CSE1L: variants seen among roughly 807,000 people sequenced by gnomAD.
CSE1L encodes chromosome segregation 1 like.
Under a neutral mutation model 120.4 loss-of-function variants are expected in CSE1L, and 24 were observed. That is an observed-to-expected ratio of 0.20 (90% CI 0.14 to 0.28). The LOEUF (loss-of-function observed/expected upper bound fraction) is 0.28, where lower values mean the gene tolerates loss of function less well. Ranked by LOEUF, CSE1L falls within the 10% of genes least tolerant of loss-of-function variation. The pLI, the probability that CSE1L is intolerant of heterozygous loss-of-function variation, is 1.00. For synonymous variants in CSE1L, 402 were observed against 398.3 expected, an observed-to-expected ratio of 1.01 and a Z score of -0.11; for missense variants, 830 against 1,145.2, an observed-to-expected ratio of 0.72 and a Z score of 3.97.
At chr20:49,078,525 A>G in intron 13 of CSE1L, 36 bp from the exon 14 acceptor site, 2 of 1,432,096 alleles carry the variant, frequency 1.4e-6, no homozygotes, top group Non-Finnish European at 1.9e-6. Context: ...GATCCTTACC[A>G]CTTAAGTAAC....
chr20:49,087,351 C>CTTTTTTTTTTTT (rs11483071), intron 16 of CSE1L, among the ~76,000 whole-genome samples: 13 of 116,296 alleles, frequency 1.1e-4, no homozygotes, highest in South Asian at 2.8e-4. Flanking sequence ...TTTTCTTTTT[C>CTTTTTTTTTTTT]TTTTTTTTTT....
At chr20:49,092,149 T>G (rs1284891592) in intron 22 of CSE1L, 22 bp downstream of exon 22, 2 of 1,389,482 alleles carry the variant, frequency 1.4e-6, no homozygotes, top group Non-Finnish European at 2.0e-6. Context: ...TTTATTATTT[T>G]TTAAAGGAAG....
At chr20:49,063,514 C>T (rs1366093324) in intron 3 of CSE1L, among the ~76,000 whole-genome samples, 170 bp downstream of exon 3, 2 of 152,156 alleles carry the variant, frequency 1.3e-5, no homozygotes, top group Non-Finnish European at 2.9e-5. Flanking sequence ...TATGATTGCA[C>T]CACTGTACTC....
intron 24 of CSE1L, 164 bp downstream of exon 24, chr20:49,095,127 T>G (rs2092130027): frequency 1.4e-6 from 1 of 694,322 alleles, no homozygotes; most frequent in Non-Finnish European, 2.6e-6. Flanking sequence ...CTGAGCCCTT[T>G]TTTTCTTGTA....
chr20:49,094,093 A>AT, intron 22 of CSE1L, 47 bp from the exon 23 acceptor site: 1 of 1,184,356 alleles, frequency 8.4e-7, no homozygotes, highest in Non-Finnish European at 1.2e-6. Context: ...TTACTATTTC[A>AT]TTATAGTGAT....
intron 1 of CSE1L, among the ~76,000 whole-genome samples, chr20:49,054,889 G>A (rs192067505): frequency 6.6e-6 from 1 of 152,228 alleles, no homozygotes; most frequent in African/African-American, 2.4e-5. Flanking sequence ...TGGCAGATGC[G>A]CCCTCATCCT....
At position 49,075,470 on chromosome 20, in the gene CSE1L, GC is replaced by G; in HGVS notation, c.1286del (p.Ala429GlufsTer5). ...ATCTGTCAACTGGAAACACAAAGAT[GC>G]AGCCATCTACCTAGTGACATCTTTG... ...NPSVNWKHKD[A>X]AIYLVTSLAS... On this transcript the variant is annotated frameshift_variant, in exon 12 of 25. Coordinates refer to ENST00000262982, the MANE Select transcript of CSE1L (RefSeq NM_001316.4). LOFTEE classifies it high-confidence loss of function. The G allele has an allele frequency of 6.2e-7, 1 of 1,614,104 alleles. No homozygotes were observed. The highest frequency in any genetic ancestry group is 8.5e-7 in the Non-Finnish European group (1 of 1,180,004).
chr20:49,076,855 G>A, intron 12 of CSE1L, 125 bp from the exon 13 acceptor site: 1 of 586,130 alleles, frequency 1.7e-6, no homozygotes, highest in Non-Finnish European at 2.9e-6. Flanking sequence ...TTATACATAA[G>A]CAATTTGTAT....
Position 49,063,254 on chromosome 20 carries a change from T to G in CSE1L, c.138T>G (p.Leu46=). ...GAAATCAGAATTATCCACTGTTGCT[T>G]TTGACATTACTGGAGAAGTCCCAGG... The part of the protein sequence containing the change: ...VEGNQNYPLL[L]LTLLEKSQDN... The change falls in exon 3 of 25, where the codon CTT becomes CTG. Residue 46 remains leucine (L), a synonymous_variant. Coordinates refer to ENST00000262982, the MANE Select transcript of CSE1L (RefSeq NM_001316.4). The G allele has an allele frequency of 6.3e-7, 1 of 1,597,956 alleles. No homozygotes were observed. The highest frequency in any genetic ancestry group is 8.5e-7 in the Non-Finnish European group (1 of 1,173,476).
In CSE1L at chr20:49,082,801, A is replaced by G. The variant is rs568644296; in HGVS notation, c.1483-1225A>G. Among the ~76,000 whole-genome samples the G allele has an allele frequency of 2.2e-4, 34 of 151,614 alleles. 1 individual carries two copies. Among genetic ancestry groups the G allele is most frequent in the Admixed American group, 1.5e-3 (23 of 15,238 alleles). On this transcript the variant is annotated intron_variant, in intron 14 of 24. Transcript: ENST00000262982. Reference sequence around the variant, plus strand: ...CTCCCAAAGTGCTGGGATTACAGGCATGAGCCACCGTGCCTGGCCTTTTCT... The same window carrying G: ...CTCCCAAAGTGCTGGGATTACAGGCGTGAGCCACCGTGCCTGGCCTTTTCT...
At chr20:49,060,397 G>A (rs2123674687) in intron 2 of CSE1L, among the ~76,000 whole-genome samples, 1 of 151,720 alleles carries the variant, frequency 6.6e-6, no homozygotes, top group South Asian at 2.1e-4. Context: ...CAGGAGAATT[G>A]CTTGAATCCA....
At chr20:49,081,903 G>A (rs1485876815) in intron 14 of CSE1L, among the ~76,000 whole-genome samples, 1 of 152,040 alleles carries the variant, frequency 6.6e-6, no homozygotes, top group Non-Finnish European at 1.5e-5. Context: ...TAAAACTCCA[G>A]GCCATATTTA....
At chr20:49,050,315 C>G (rs1327998429) in intron 1 of CSE1L, among the ~76,000 whole-genome samples, 1 of 150,764 alleles carries the variant, frequency 6.6e-6, no homozygotes, top group East Asian at 1.9e-4. Context: ...ACCTCCCGGG[C>G]TCAAGCAATC....
intron 8 of CSE1L, among the ~76,000 whole-genome samples, chr20:49,070,955 AT>A (rs2091927267): frequency 6.6e-6 from 1 of 152,194 alleles, no homozygotes; most frequent in Admixed American, 6.5e-5. Context: ...AAAAGAAAAA[AT>A]TATCCACAGC....
chr20:49,053,230 A>G (rs535786565), intron 1 of CSE1L, among the ~76,000 whole-genome samples: 3 of 151,046 alleles, frequency 2.0e-5, no homozygotes, highest in Admixed American at 1.3e-4. Flanking sequence ...GTTTCTAACA[A>G]TCTGCCTTGC....
chr20:49,095,454 G>T (rs1417202103), intron 24 of CSE1L, among the ~76,000 whole-genome samples: 1 of 151,954 alleles, frequency 6.6e-6, no homozygotes, highest in African/African-American at 2.4e-5. Context: ...AGCCTTCCAA[G>T]TAGCTAGGAC....
At chr20:49,087,571 G>A (rs2092069906) in intron 16 of CSE1L, among the ~76,000 whole-genome samples, 2 of 151,922 alleles carry the variant, frequency 1.3e-5, no homozygotes, top group South Asian at 4.2e-4. Context: ...AGCCAGGTTG[G>A]TCTCAGACTC....
chr20:49,064,216 G>A (rs199800060), intron 3 of CSE1L, among the ~76,000 whole-genome samples: 4 of 152,356 alleles, frequency 2.6e-5, no homozygotes, highest in Non-Finnish European at 5.9e-5. Context: ...TAGAGAAAAA[G>A]ATGAGGCTTT....
intron 2 of CSE1L, among the ~76,000 whole-genome samples, chr20:49,062,678 T>C (rs1328124282): frequency 6.6e-6 from 1 of 152,092 alleles, no homozygotes; most frequent in African/African-American, 2.4e-5. Context: ...TTTTAAATGC[T>C]ATCTACTTTT....
Sources: allele counts gnomAD v4.1 joint callset (sites outside exome capture counted in the v4.1 genomes callset), GRCh38; gene constraint gnomAD v4.1.1; transcripts MANE v1.5; gene names NCBI Gene and HGNC (gene_info 2026-07-23, HGNC 2026-07-21).